Variants in C1orf174 observed in about 807,000 individuals in gnomAD.
C1orf174 encodes the protein UPF0688 protein C1orf174.
In C1orf174, 13 loss-of-function variants were observed where a neutral mutation model predicts 18.4. The ratio of observed to expected loss-of-function variants is 0.71; its 90% CI spans 0.46 to 1.12. C1orf174 has a LOEUF of 1.12. C1orf174 is among the 50% of genes most tolerant of loss of function. C1orf174 has a pLI of 0.00. For missense variants in C1orf174, 309 were observed against 308.0 expected (o/e 1.00, Z -0.02); for synonymous variants, 100 against 118.3 (o/e 0.85, Z 1.01).
At chr1:3,895,552 T>C (rs1638591732) in intron 1 of C1orf174, 1 of 110,840 alleles carries the variant, frequency 9.0e-6, no homozygotes, top group East Asian at 3.7e-4. Context: ...CCTGAGGATC[T>C]GGTGGGCCTG....
Position 3,891,032 on chromosome 1 carries a change from T to TC in C1orf174, c.154dup (p.Asp52GlyfsTer11), listed in dbSNP as rs746138345. On this transcript the variant is annotated frameshift_variant, in exon 3 of 4. Coordinates refer to ENST00000361605, the MANE Select transcript of C1orf174 (RefSeq NM_207356.3). LOFTEE classifies it high-confidence loss of function. The stretch of plus-strand genomic sequence containing the variant: ...TTTGAACTTCTTGGACGTTCGCGTG[T>TC]CTGTGGCTTTGTGGGATGAGGAAGT... The TC allele has an allele frequency of 4.3e-6, 7 of 1,612,594 alleles. No individual in the cohort carries two copies. In the Admixed American group the frequency reaches 1.2e-4, roughly 27 times the overall value.
At chr1:3,891,773 T>C (rs1000177534) in intron 2 of C1orf174, 26 of 986,036 alleles carry the variant, frequency 2.6e-5, no homozygotes, top group Admixed American at 6.1e-5. Context: ...CATGACTCCA[T>C]AGCACGCTAA....
intron 1 of C1orf174, among the ~76,000 whole-genome samples, chr1:3,896,888 G>C (rs1050171299): frequency 6.6e-6 from 1 of 152,142 alleles, no homozygotes; most frequent in Non-Finnish European, 1.5e-5. Context: ...AGGGAAAGAG[G>C]AAAAGGACCT....
chr1:3,900,136 T>C, intron 1 of C1orf174, 36 bp downstream of exon 1: 1 of 1,570,064 alleles, frequency 6.4e-7, no homozygotes, highest in Non-Finnish European at 8.6e-7. Context: ...GTCCCCGCCC[T>C]GCCCGGCGCA....
chr1:3,897,123 C>CA (rs1385238655), intron 1 of C1orf174, among the ~76,000 whole-genome samples: 1 of 152,026 alleles, frequency 6.6e-6, no homozygotes, highest in East Asian at 1.9e-4. Context: ...ATAATTCCAA[C>CA]AAAAAATTAT....
Position 3,889,984 on chromosome 1 carries a change from G to A in C1orf174, c.708C>T (p.Asp236=), listed in dbSNP as rs61737469. The part of the protein sequence containing the change: ...MHFRAKDDDD[D]DDDDAEM The stretch of plus-strand genomic sequence containing the variant: ...CCTACATTTCTGCATCATCGTCGTC[G>A]TCATCATCATCATCTTTGGCTCTGA... Residue 236 remains aspartate (D), a synonymous_variant, in exon 4 of 4, where the codon GAC becomes GAT. Transcript: ENST00000361605. 2.6e-3 allele frequency: 4,133 copies of A among 1,613,832 alleles called. 93 individuals carry two copies. In the African/African-American group the frequency reaches 0.047, roughly 18 times the overall value.
At chr1:3,893,288 C>T (rs1014245803) in intron 1 of C1orf174, among the ~76,000 whole-genome samples, 3 of 152,150 alleles carry the variant, frequency 2.0e-5, no homozygotes, top group Non-Finnish European at 4.4e-5. Context: ...ATTAAGTCAA[C>T]TTCAAAGTGT....
rs145489766 is a variant in C1orf174 at position 3,892,911 on chromosome 1, C to T, written c.101G>A (p.Gly34Asp). Residue 34 changes from glycine to aspartate, a missense_variant, in exon 2 of 4, where the codon GGT becomes GAT. Coordinates refer to ENST00000361605, the MANE Select transcript of C1orf174 (RefSeq NM_207356.3). ...ACATGCTGTCTTGGCAGACGTGGAA[C>T]CAGCAACTTCCTGGGCAGAGGCCAA... is the stretch of plus-strand genomic sequence containing the variant. ...ARLASAQEVA[G>D]STSAKTACLT... 4 of 1,614,196 alleles carry T rather than the reference C, an allele frequency of 2.5e-6. No individual in the cohort carries two copies. Among genetic ancestry groups the T allele is most frequent in the Admixed American group, 1.7e-5 (1 of 60,008 alleles).
chr1:3,893,327 A>G (rs1476651638), intron 1 of C1orf174, among the ~76,000 whole-genome samples: 1 of 152,218 alleles, frequency 6.6e-6, no homozygotes. Flanking sequence ...GCCCTTCCTT[A>G]GAAGGCTCTC....
In C1orf174 at chr1:3,889,711, A is replaced by G; in HGVS notation, c.*249T>C. On this transcript the variant is annotated 3_prime_UTR_variant, in exon 4 of 4. Coordinates refer to ENST00000361605, the MANE Select transcript of C1orf174 (RefSeq NM_207356.3). Reference sequence around the variant, plus strand: ...ACTCTGTCTCCAAGGAAAAAAAAAAAAAAAAAAAAAGAAAGGACATTGGCA... The same window carrying G: ...ACTCTGTCTCCAAGGAAAAAAAAAAGAAAAAAAAAAGAAAGGACATTGGCA... The G allele has an allele frequency of 3.2e-6, 1 of 316,084 alleles. No individual in the cohort carries two copies. The allele number at this position is 316,084 out of a possible 1,614,324, so 19.6% of individuals were successfully genotyped here. A position where few individuals can be genotyped will look rare whatever the true frequency, so the allele number is the denominator to read the frequency against.
At chr1:3,894,719 CAG>C (rs1638575194) in intron 1 of C1orf174, among the ~76,000 whole-genome samples, 1 of 152,160 alleles carries the variant, frequency 6.6e-6, no homozygotes, top group African/African-American at 2.4e-5. Flanking sequence ...CTGTGGCAGT[CAG>C]AGTGTGTGTC....
rs1244996060 is a variant in C1orf174 at position 3,900,137 on chromosome 1, G to A, written c.15+35C>T. On this transcript the variant is annotated intron_variant, in intron 1 of 3. Coordinates refer to ENST00000361605, the MANE Select transcript of C1orf174 (RefSeq NM_207356.3). ...GCAGGTGACCCAGAGTCCCCGCCCT[G>A]CCCGGCGCAGCTGCTGCCGGGACCC... 4 of 1,570,284 alleles carry A rather than the reference G, an allele frequency of 2.5e-6. No homozygotes were observed. In the South Asian group the frequency reaches 4.6e-5, roughly 18 times the overall value.
chr1:3,891,750 G>A (rs1302571383), intron 2 of C1orf174: 2 of 985,826 alleles, frequency 2.0e-6, no homozygotes, highest in African/African-American at 1.7e-5. Flanking sequence ...GAGGCTGCAC[G>A]GCAATGGGCC....
chr1:3,898,074 CA>C lies in C1orf174; in HGVS notation c.15+2097del, dbSNP rs575445440. Reference sequence around the variant, plus strand: ...TCAAAGGCAAAATCTTGAAAGAGAACAAAACCTTGAAAGCCCCAAGAAGAAA... The same window carrying C: ...TCAAAGGCAAAATCTTGAAAGAGAACAAACCTTGAAAGCCCCAAGAAGAAA... On this transcript the variant is annotated intron_variant, in intron 1 of 3. Coordinates refer to ENST00000361605, the MANE Select transcript of C1orf174 (RefSeq NM_207356.3). Among the ~76,000 whole-genome samples, 161 of 152,302 alleles carry C rather than the reference CA, an allele frequency of 1.1e-3. 4 individuals carry two copies. In the South Asian group the frequency reaches 0.03, roughly 28 times the overall value.
chr1:3,895,603 C>T (rs1557740609), intron 1 of C1orf174: 1 of 152,178 alleles, frequency 6.6e-6, no homozygotes, highest in South Asian at 2.1e-4. Flanking sequence ...AGGCCATTTG[C>T]TGTCCTCTCC....
chr1:3,895,913 A>G (rs948047506), intron 1 of C1orf174: 4 of 152,300 alleles, frequency 2.6e-5, no homozygotes, highest in African/African-American at 9.6e-5. Flanking sequence ...GAGGAGCTTC[A>G]CTGACCTTCT....
chr1:3,896,353 G>C (rs144862200), intron 1 of C1orf174, among the ~76,000 whole-genome samples: 2 of 152,206 alleles, frequency 1.3e-5, no homozygotes. Context: ...CATCAACCCC[G>C]TCCTAGATAT....
rs928697680 is a variant in C1orf174 at position 3,890,603 on chromosome 1, A to G, written c.584T>C (p.Val195Ala). 5.0e-6 allele frequency: 8 copies of G among 1,614,150 alleles called. No homozygotes were observed. Among genetic ancestry groups the G allele is most frequent in the South Asian group, 4.4e-5 (4 of 91,082 alleles). The change falls in exon 3 of 4, where the codon GTG (valine) becomes GCG (alanine). Residue 195 changes from valine (V) to alanine (A), a missense_variant. Transcript: ENST00000361605. ...CTCAACGTTTCCAAAGAACCGGCTCACGGGCATTGGCTGATTGCTGTCGTC... is the reference window on the plus strand; with the variant it reads ...CTCAACGTTTCCAAAGAACCGGCTCGCGGGCATTGGCTGATTGCTGTCGTC... ...LDDDSNQPMP[V>A]SRFFGNVELM...
In C1orf174 at chr1:3,891,015, T is replaced by G; in HGVS notation, c.172A>C (p.Lys58Gln). The G allele has an allele frequency of 3.1e-6, 5 of 1,613,854 alleles. No homozygotes were observed. The highest frequency in any genetic ancestry group is 4.2e-6 in the Non-Finnish European group (5 of 1,179,838). Residue 58 changes from lysine to glutamine, a missense_variant, in exon 3 of 4, where the codon AAG becomes CAG. Coordinates refer to ENST00000361605, the MANE Select transcript of C1orf174 (RefSeq NM_207356.3). The part of the protein sequence containing the change: ...HKATDTRTSK[K>Q]FKCDKGHLVK... ...AGATGTCCTTTGTCACATTTGAACT[T>G]CTTGGACGTTCGCGTGTCTGTGGCT...
Sources: gnomAD v4.1 joint callset for allele counts (sites outside exome capture counted in the v4.1 genomes callset) on GRCh38, gnomAD v4.1.1 for gene constraint, MANE v1.5 for transcripts, NCBI Gene and HGNC (gene_info 2026-07-23, HGNC 2026-07-21) for gene names.